Variants in TTC32 observed in about 807,000 individuals in gnomAD.
The protein encoded by TTC32 is tetratricopeptide repeat domain 32.
A neutral mutation model predicts 15.3 loss-of-function variants in TTC32; 16 were observed. The ratio of observed to expected loss-of-function variants is 1.05; its 90% CI spans 0.71 to 1.59. TTC32 has a LOEUF of 1.59. Among genes scored for constraint, TTC32 ranks in the 40% most tolerant of loss-of-function variants. The pLI is 0.00. For synonymous variants in TTC32, 89 were observed against 67.8 expected, an observed-to-expected ratio of 1.31 and a Z score of -1.53; for missense variants, 188 against 181.9, an observed-to-expected ratio of 1.03 and a Z score of -0.19.
chr2:19,897,221 T>C, intron 2 of TTC32, 95 bp from the exon 3 acceptor site: 1 of 1,294,958 alleles, frequency 7.7e-7, no homozygotes, highest in South Asian at 1.5e-5. Flanking sequence ...CTTTTGCTTT[T>C]ATATTTATGA....
intron 1 of TTC32, among the ~76,000 whole-genome samples, chr2:19,899,711 T>A (rs1275268333): frequency 2.7e-5 from 4 of 150,522 alleles, no homozygotes; most frequent in Admixed American, 1.3e-4. Flanking sequence ...GTATATATAT[T>A]TTTTATATAT....
chr2:19,901,081 C>T (rs954243314), intron 1 of TTC32: 1 of 471,198 alleles, frequency 2.1e-6, no homozygotes, highest in African/African-American at 2.0e-5. Context: ...TATTAAGTAA[C>T]TATGTGATGA....
At chr2:19,898,725 T>A (rs577081803) in intron 1 of TTC32, among the ~76,000 whole-genome samples, 1 of 152,306 alleles carries the variant, frequency 6.6e-6, no homozygotes, top group Admixed American at 6.5e-5. Flanking sequence ...CTGAGGGAAC[T>A]AGAGGTTGCC....
chr2:19,896,754 T>C lies in TTC32; in HGVS notation c.*233A>G, dbSNP rs1669516915. The C allele has an allele frequency of 1.7e-5, 3 of 176,546 alleles. No individual in the cohort carries two copies. The Admixed American group carries it at 1.9e-4, about 11-fold the overall frequency. The allele number at this position is 176,546 out of a possible 1,614,324, so 10.9% of individuals were successfully genotyped here. On this transcript the variant is annotated 3_prime_UTR_variant, in exon 3 of 3. Coordinates refer to ENST00000333610, the MANE Select transcript of TTC32 (RefSeq NM_001008237.3). ...TGCTGAAGAAAATACCACACATTCCTTTTTACTATAATATTTAATATAATA... is the reference window on the plus strand; with the variant it reads ...TGCTGAAGAAAATACCACACATTCCCTTTTACTATAATATTTAATATAATA...
rs767624230 is a variant in TTC32 at position 19,901,744 on chromosome 2, C to T, written c.111G>A (p.Arg37=). 20 of 1,613,464 alleles carry T rather than the reference C, an allele frequency of 1.2e-5. No homozygotes were observed. The South Asian group carries it at 1.9e-4, about 15-fold the overall frequency. ...CGTCGCTGGAGGCCGCGCAAGCGCA[C>T]CGGCGAATGTAAGCGGAGTACAGTG... is the stretch of plus-strand genomic sequence containing the variant. The part of the protein sequence containing the change: ...AEALYSAYIR[R]CACAASSDES... The change falls in exon 1 of 3, where the codon CGG becomes CGA. Residue 37 remains arginine, a synonymous_variant. Coordinates refer to ENST00000333610, the MANE Select transcript of TTC32 (RefSeq NM_001008237.3).
intron 1 of TTC32, among the ~76,000 whole-genome samples, chr2:19,899,991 GAAA>G (rs1323550687): frequency 6.6e-6 from 1 of 152,164 alleles, no homozygotes; most frequent in Non-Finnish European, 1.5e-5. Context: ...TTTTACAGAT[GAAA>G]AACTGAGGCT....
chr2:19,899,343 A>G, intron 1 of TTC32, among the ~76,000 whole-genome samples: 1 of 152,250 alleles, frequency 6.6e-6, no homozygotes, highest in Non-Finnish European at 1.5e-5. Context: ...AGTTTAAAGA[A>G]AAAAGCAATC....
Position 19,901,808 on chromosome 2 carries a change from T to C in TTC32, c.47A>G (p.Gln16Arg). 6.2e-7 allele frequency: 1 copy of C among 1,614,234 alleles called. No individual in the cohort carries two copies. ...QESHATLTLA[Q>R]AHFNNGEYAE... ...GTACTCTCCATTGTTGAAATGAGCC[T>C]GGGCGAGTGTTAGGGTTGCGTGGCT... The change falls in exon 1 of 3, where the codon CAG (glutamine) becomes CGG (arginine). Residue 16 changes from glutamine (Q) to arginine (R), a missense_variant. Physicochemically the swap from Gln to Arg is conservative, Grantham distance 43. Coordinates refer to ENST00000333610, the MANE Select transcript of TTC32 (RefSeq NM_001008237.3).
intron 2 of TTC32, among the ~76,000 whole-genome samples, chr2:19,897,411 C>A (rs1379652801): frequency 6.6e-6 from 1 of 152,132 alleles, no homozygotes; most frequent in African/African-American, 2.4e-5. Flanking sequence ...AACTGTATCA[C>A]CTGTTTTACA....
At position 19,896,992 on chromosome 2, in the gene TTC32, A is replaced by G. The variant is rs1367615735; in HGVS notation, c.451T>C (p.Tyr151His). 4 of 1,578,906 alleles carry G rather than the reference A, an allele frequency of 2.5e-6. No individual in the cohort carries two copies. Among genetic ancestry groups the G allele is most frequent in the South Asian group, 1.2e-5 (1 of 85,602 alleles). ...EKQRRNVAKN[Y>H] The stretch of plus-strand genomic sequence containing the variant: ...CTTCCATTAAGTTAAAAATATCAAT[A>G]ATTTTTTGCAACATTTCTTCTTTGT... Residue 151 changes from tyrosine to histidine, a missense_variant, in exon 3 of 3, where the codon TAT (tyrosine) becomes CAT (histidine). Coordinates refer to ENST00000333610, the MANE Select transcript of TTC32 (RefSeq NM_001008237.3).
chr2:19,899,273 C>T (rs111606097), intron 1 of TTC32, among the ~76,000 whole-genome samples: 3 of 152,300 alleles, frequency 2.0e-5, no homozygotes, highest in African/African-American at 7.2e-5. Flanking sequence ...GATTACAAGA[C>T]GGTACCACTC....
At position 19,901,980 on chromosome 2, in the gene TTC32, G is replaced by T; in HGVS notation, c.-126C>A. 1 of 1,170,920 alleles carries T rather than the reference G, an allele frequency of 8.5e-7. No individual in the cohort carries two copies. Among genetic ancestry groups the T allele is most frequent in the Non-Finnish European group, 1.2e-6 (1 of 832,954 alleles). The allele number at this position is 1,170,920 out of a possible 1,614,324, so 72.5% of individuals were successfully genotyped here. A position where few individuals can be genotyped will look rare whatever the true frequency, so the allele number is the denominator to read the frequency against. On this transcript the variant is annotated 5_prime_UTR_variant, in exon 1 of 3. Coordinates refer to ENST00000333610, the MANE Select transcript of TTC32 (RefSeq NM_001008237.3). ...CAGCCAACCTTGGCGCTAGGTTTGT[G>T]CCTTATGGGGATCCGTCGTCTCGCG...
chr2:19,898,437 T>C (rs1016614933), intron 1 of TTC32: 14 of 157,804 alleles, frequency 8.9e-5, no homozygotes, highest in Non-Finnish European at 1.7e-4. Flanking sequence ...TATGTCACAA[T>C]GTGAATCAAT....
chr2:19,897,012 CTT>C lies in TTC32; in HGVS notation c.429_430del (p.Arg144LysfsTer13), dbSNP rs1333754832. 2 of 1,583,286 alleles carry C rather than the reference CTT, an allele frequency of 1.3e-6. No homozygotes were observed. The highest frequency in any genetic ancestry group is 2.7e-5 in the African/African-American group (2 of 73,254). On this transcript the variant is annotated frameshift_variant, in exon 3 of 3. Transcript: ENST00000333610. LOFTEE classifies it high-confidence loss of function. ...TCAATAATTTTTTGCAACATTTCTT[CTT>C]TGTTTTTCTTCTTTGTCTAGAATAG... is the stretch of plus-strand genomic sequence containing the variant.
At chr2:19,899,760 T>C (rs865927910) in intron 1 of TTC32, among the ~76,000 whole-genome samples, 81 of 151,632 alleles carry the variant, frequency 5.3e-4, no homozygotes, top group African/African-American at 1.5e-3. Context: ...CTTTGGAAAT[T>C]AGGTTTATGA....
chr2:19,897,170 T>A, intron 2 of TTC32, 44 bp from the exon 3 acceptor site: 1 of 1,551,212 alleles, frequency 6.4e-7, no homozygotes, highest in East Asian at 2.3e-5. Context: ...AGAAACCGAG[T>A]ATTTCTATAT....
chr2:19,896,920 C>A lies in TTC32; in HGVS notation c.*67G>T. The A allele has an allele frequency of 7.3e-7, 1 of 1,375,946 alleles. No homozygotes were observed. The allele number at this position is 1,375,946 out of a possible 1,614,324, so 85.2% of individuals were successfully genotyped here. On this transcript the variant is annotated 3_prime_UTR_variant, in exon 3 of 3. Coordinates refer to ENST00000333610, the MANE Select transcript of TTC32 (RefSeq NM_001008237.3). Reference sequence around the variant, plus strand: ...AATATAAATCAAAATAGCTCAATATCTAAATTACTGATAACTAGATGCAGA... The same window carrying A: ...AATATAAATCAAAATAGCTCAATATATAAATTACTGATAACTAGATGCAGA...
intron 1 of TTC32, chr2:19,901,122 G>C (rs1436907377): frequency 2.1e-6 from 1 of 470,016 alleles, no homozygotes; most frequent in South Asian, 1.6e-5. Context: ...AAACATCCAT[G>C]GATGAATACA....
chr2:19,899,459 TAG>T (rs2103367257), intron 1 of TTC32, among the ~76,000 whole-genome samples: 1 of 149,972 alleles, frequency 6.7e-6, no homozygotes, highest in Non-Finnish European at 1.5e-5. Context: ...CATAAAATGT[TAG>T]ACTTAGAATT....
Sources: gnomAD v4.1 joint callset for allele counts (sites outside exome capture counted in the v4.1 genomes callset) on GRCh38, gnomAD v4.1.1 for gene constraint, MANE v1.5 for transcripts, NCBI Gene and HGNC (gene_info 2026-07-23, HGNC 2026-07-21) for gene names.